The following KCMF1 variants were observed in gnomAD, a reference collection of about 807,000 sequenced individuals.
KCMF1 encodes potassium channel modulatory factor 1.
KCMF1 carries 3 observed loss-of-function variants against 41.1 expected under a neutral mutation model. That is an observed-to-expected ratio of 0.07 (90% CI 0.03 to 0.19). The LOEUF (loss-of-function observed/expected upper bound fraction) is 0.19. Ranked by LOEUF, KCMF1 falls within the 10% of genes least tolerant of loss-of-function variation. The pLI, the probability that KCMF1 is intolerant of heterozygous loss-of-function variation, is 1.00. For missense variants in KCMF1, 286 were observed against 488.9 expected (o/e 0.58, Z 3.91); for synonymous variants, 142 against 164.5 (o/e 0.86, Z 1.04).
In KCMF1 at chr2:85,047,105, G is replaced by A. The variant is rs138107313; in HGVS notation, c.601+827G>A. On this transcript the variant is annotated intron_variant, in intron 5 of 6. Coordinates refer to ENST00000409785, the MANE Select transcript of KCMF1 (RefSeq NM_020122.5). ...ATTTCAGCCATTCACTGGGGGTTTT[G>A]GAACGTATCTCCTGCAGGTAAAGGG... 7.2e-3 allele frequency among the ~76,000 whole-genome samples: 1,098 copies of A among 152,202 alleles called. 8 individuals carry two copies. Among genetic ancestry groups the A allele is most frequent in the Admixed American group, 0.013 (204 of 15,280 alleles).
At chr2:85,038,722 G>A (rs1675458834) in intron 3 of KCMF1, among the ~76,000 whole-genome samples, 1 of 151,948 alleles carries the variant, frequency 6.6e-6, no homozygotes, top group South Asian at 2.1e-4. Flanking sequence ...CTCTTCTGTG[G>A]AAAAACTGTT....
At chr2:85,027,599 T>G (rs1675141170) in intron 1 of KCMF1, among the ~76,000 whole-genome samples, 1 of 152,024 alleles carries the variant, frequency 6.6e-6, no homozygotes, top group Non-Finnish European at 1.5e-5. Flanking sequence ...GGTCTTGGAC[T>G]ACTGACCTCA....
At chr2:85,016,107 C>T (rs1196434620) in intron 1 of KCMF1, among the ~76,000 whole-genome samples, 1 of 152,190 alleles carries the variant, frequency 6.6e-6, no homozygotes, top group Non-Finnish European at 1.5e-5. Context: ...GTATCAGTTT[C>T]AAGTAAGACT....
intron 1 of KCMF1, among the ~76,000 whole-genome samples, chr2:85,014,786 C>G (rs1374666289): frequency 6.0e-5 from 9 of 151,168 alleles, no homozygotes; most frequent in African/African-American, 2.2e-4. Context: ...GTTGCCCAGG[C>G]TGGTCTCAAA....
At chr2:85,024,591 T>C (rs537429701) in intron 1 of KCMF1, among the ~76,000 whole-genome samples, 236 of 151,700 alleles carry the variant, frequency 1.6e-3, no homozygotes, top group African/African-American at 5.4e-3. Flanking sequence ...AGAGTGTGTG[T>C]GTGTGTGTGT....
chr2:85,045,395 C>G (rs951680067), intron 4 of KCMF1, among the ~76,000 whole-genome samples: 1 of 152,130 alleles, frequency 6.6e-6, no homozygotes, highest in Non-Finnish European at 1.5e-5. Flanking sequence ...GCTACCCATC[C>G]GGTCCTTAAA....
At chr2:85,033,373 TTA>T (rs768435487) in intron 2 of KCMF1, among the ~76,000 whole-genome samples, 1 of 152,200 alleles carries the variant, frequency 6.6e-6, no homozygotes, top group Non-Finnish European at 1.5e-5. Context: ...TCTCTCTGTT[TTA>T]TCTTAGTATA....
At chr2:84,971,988 G>A (rs1032883369) in intron 1 of KCMF1, 1 of 152,120 alleles carries the variant, frequency 6.6e-6, no homozygotes, top group African/African-American at 2.4e-5. Flanking sequence ...GCGGGCGACC[G>A]CGGGGCTGGC....
At chr2:85,008,184 T>A (rs1674518163) in intron 1 of KCMF1, among the ~76,000 whole-genome samples, 1 of 141,536 alleles carries the variant, frequency 7.1e-6, no homozygotes, top group South Asian at 2.2e-4. Flanking sequence ...TTTCGATGGA[T>A]CAATACGTAA....
At chr2:85,046,026 C>A in intron 4 of KCMF1, 78 bp from the exon 5 acceptor site, 2 of 1,159,376 alleles carry the variant, frequency 1.7e-6, no homozygotes, top group Non-Finnish European at 1.2e-6. Flanking sequence ...GAAATCTTTA[C>A]ATCTGTCTAG....
intron 1 of KCMF1, among the ~76,000 whole-genome samples, chr2:85,026,486 A>G (rs535030541): frequency 2.1e-5 from 3 of 144,998 alleles, no homozygotes; most frequent in South Asian, 2.2e-4. Context: ...TATTATTATT[A>G]TTATTATTAT....
intron 1 of KCMF1, among the ~76,000 whole-genome samples, chr2:85,017,343 A>G (rs796933513): frequency 2.2e-4 from 34 of 152,294 alleles, no homozygotes; most frequent in African/African-American, 7.9e-4. Context: ...ATCCTCTTCT[A>G]AGGGTTGCAC....
intron 1 of KCMF1, among the ~76,000 whole-genome samples, chr2:84,997,764 CT>C (rs112460793): frequency 0.018 from 1,407 of 80,284 alleles, 4 homozygotes; most frequent in African/African-American, 0.036. Context: ...AATACATTTT[CT>C]TTTTTTTTTT....
chr2:84,981,793 T>TTTG lies in KCMF1; in HGVS notation c.16+10328_16+10329insGTT, dbSNP rs1559125116. ...TGTTTGTTTGTTTGTTTGTTTGTTT[T>TTTG]TTTGAGATGGAGTCTGGTTCTGTCG... On this transcript the variant is annotated intron_variant, in intron 1 of 6. Transcript: ENST00000409785. Among the ~76,000 whole-genome samples the TTTG allele has an allele frequency of 3.3e-5, 5 of 152,036 alleles. No homozygotes were observed. In the East Asian group the frequency reaches 7.7e-4, roughly 23 times the overall value.
At chr2:85,008,352 A>G (rs1339966007) in intron 1 of KCMF1, among the ~76,000 whole-genome samples, 6 of 118,116 alleles carry the variant, frequency 5.1e-5, no homozygotes, top group African/African-American at 2.0e-4. Context: ...TATATAATAT[A>G]TAATATATAT....
At chr2:85,015,778 A>G (rs2104010822) in intron 1 of KCMF1, among the ~76,000 whole-genome samples, 1 of 152,336 alleles carries the variant, frequency 6.6e-6, no homozygotes, top group South Asian at 2.1e-4. Flanking sequence ...CACCTACCTC[A>G]TGACTTTGTG....
At chr2:85,015,415 T>A (rs1398715584) in intron 1 of KCMF1, among the ~76,000 whole-genome samples, 1 of 152,124 alleles carries the variant, frequency 6.6e-6, no homozygotes, top group Non-Finnish European at 1.5e-5. Context: ...ATATAGAAGC[T>A]CCTCTATTTC....
chr2:85,028,654 T>C (rs1675179450), intron 2 of KCMF1, among the ~76,000 whole-genome samples: 1 of 151,584 alleles, frequency 6.6e-6, no homozygotes, highest in African/African-American at 2.4e-5. Flanking sequence ...CATGCCCGGC[T>C]GATTTTTTGT....
chr2:85,023,172 C>A (rs1209965324), intron 1 of KCMF1, among the ~76,000 whole-genome samples: 2 of 151,804 alleles, frequency 1.3e-5, no homozygotes, highest in Non-Finnish European at 2.9e-5. Context: ...CAGGCGTGAG[C>A]CACCGCGCCC....
Sources: allele counts gnomAD v4.1 joint callset (sites outside exome capture counted in the v4.1 genomes callset), GRCh38; gene constraint gnomAD v4.1.1; transcripts MANE v1.5; gene names NCBI Gene and HGNC (gene_info 2026-07-23, HGNC 2026-07-21).